Variants in SCIN observed in about 807,000 individuals in gnomAD.
SCIN encodes scinderin.
Under a neutral mutation model 91.8 loss-of-function variants are expected in SCIN, and 91 were observed. The ratio of observed to expected loss-of-function variants is 0.99; its 90% CI spans 0.84 to 1.18. The LOEUF is 1.18. SCIN is among the 50% of genes most tolerant of loss of function. SCIN has a pLI of 0.00. For synonymous variants in SCIN, 367 were observed against 312.6 expected, an observed-to-expected ratio of 1.17 and a Z score of -1.84; for missense variants, 1,087 against 863.9, an observed-to-expected ratio of 1.26 and a Z score of -3.24.
chr7:12,624,974 C>A, intron 5 of SCIN, 36 bp from the exon 6 acceptor site: 1 of 1,543,448 alleles, frequency 6.5e-7, no homozygotes, highest in East Asian at 2.5e-5. Context: ...TTATCATCCC[C>A]AAATGAAAAC....
Position 12,652,783 on chromosome 7 carries a change from C to A in SCIN, c.*68C>A. The A allele has an allele frequency of 1.9e-6, 3 of 1,553,366 alleles. No homozygotes were observed. The highest frequency in any genetic ancestry group is 2.6e-6 in the Non-Finnish European group (3 of 1,156,224). ...TCTCATTGCTGTTTTGGGAGAGGAA[C>A]GGGAAAAGCTTTTTGCTTATTTGTC... On this transcript the variant is annotated 3_prime_UTR_variant, in exon 16 of 16. Coordinates refer to ENST00000297029, the MANE Select transcript of SCIN (RefSeq NM_001112706.3).
chr7:12,625,069 A>G lies in SCIN; in HGVS notation c.819A>G (p.Ser273=), dbSNP rs1783485015. Residue 273 remains serine, a synonymous_variant, in exon 6 of 16, where the codon TCA becomes TCG. Coordinates refer to ENST00000297029, the MANE Select transcript of SCIN (RefSeq NM_001112706.3). The part of the protein sequence containing the change: ...VTVVAEENPF[S]MAMLLSEECF... ...TGGTGGCAGAAGAAAACCCCTTCTC[A>G]ATGGCAATGCTGCTGTCTGAAGAAT... 2 of 1,599,334 alleles carry G rather than the reference A, an allele frequency of 1.3e-6. No individual in the cohort carries two copies. The highest frequency in any genetic ancestry group is 1.7e-6 in the Non-Finnish European group (2 of 1,172,268).
intron 11 of SCIN, 126 bp downstream of exon 11, chr7:12,640,643 T>C: frequency 1.2e-6 from 1 of 852,840 alleles, no homozygotes; most frequent in Non-Finnish European, 1.6e-6. Flanking sequence ...ATTAATCCAC[T>C]GTTCAAAATT....
At chr7:12,631,421 G>T (rs748683701) in intron 9 of SCIN, among the ~76,000 whole-genome samples, 1 of 152,110 alleles carries the variant, frequency 6.6e-6, no homozygotes, top group Non-Finnish European at 1.5e-5. Context: ...CATACCCCTA[G>T]GCTATTGGTT....
intron 2 of SCIN, among the ~76,000 whole-genome samples, chr7:12,580,829 TG>T (rs1350979273): frequency 2.0e-5 from 3 of 152,228 alleles, no homozygotes; most frequent in Non-Finnish European, 4.4e-5. Context: ...TACTTGCAGT[TG>T]TCAATTGAAT....
chr7:12,630,499 A>T (rs1783619383), intron 9 of SCIN, among the ~76,000 whole-genome samples: 1 of 152,218 alleles, frequency 6.6e-6, no homozygotes, highest in Non-Finnish European at 1.5e-5. Flanking sequence ...GCTGGGGGGA[A>T]TCCTGAGATT....
chr7:12,643,139 C>T (rs562724354), intron 11 of SCIN, among the ~76,000 whole-genome samples: 1 of 152,320 alleles, frequency 6.6e-6, no homozygotes, highest in Admixed American at 6.5e-5. Context: ...GAGACCTCAT[C>T]AGCTGCTTTC....
intron 11 of SCIN, 79 bp from the exon 12 acceptor site, chr7:12,644,059 A>G (rs1783906785): frequency 4.6e-6 from 6 of 1,302,566 alleles, no homozygotes; most frequent in South Asian, 1.4e-5. Flanking sequence ...GGTTTGCCAC[A>G]GTCACAGCTT....
intron 3 of SCIN, among the ~76,000 whole-genome samples, chr7:12,602,326 A>G (rs918627053): frequency 6.6e-6 from 1 of 152,228 alleles, no homozygotes; most frequent in Non-Finnish European, 1.5e-5. Context: ...CAAAGATCAC[A>G]TGCTTCTGAG....
At position 12,656,396 on chromosome 7, in the gene SCIN, A is replaced by G. The variant is rs966073883; in HGVS notation, c.*3681A>G. The G allele has an allele frequency of 6.6e-6, 1 of 152,120 alleles. No individual in the cohort carries two copies. The highest frequency in any genetic ancestry group is 6.6e-5 in the Admixed American group (1 of 15,266). 9.4% of individuals were successfully genotyped at this position (152,120 alleles called of 1,614,324 possible). A position where few individuals can be genotyped will look rare whatever the true frequency, so the allele number is the denominator to read the frequency against. On this transcript the variant is annotated 3_prime_UTR_variant, in exon 16 of 16. Coordinates refer to ENST00000297029, the MANE Select transcript of SCIN (RefSeq NM_001112706.3). The stretch of plus-strand genomic sequence containing the variant: ...TTCTTTTAAACCTAATTTATTTTAA[A>G]CCTAATTTATTTATTTTAAACCTAA...
chr7:12,595,605 A>G (rs770045491), intron 3 of SCIN: 5 of 151,366 alleles, frequency 3.3e-5, no homozygotes, highest in African/African-American at 1.2e-4. Context: ...AGGAGCAGGC[A>G]CTAGGAAAGA....
At chr7:12,603,860 A>G (rs1364456855) in intron 3 of SCIN, among the ~76,000 whole-genome samples, 4 of 152,096 alleles carry the variant, frequency 2.6e-5, no homozygotes, top group Non-Finnish European at 5.9e-5. Flanking sequence ...ATGCCTTTCC[A>G]AGGCCTCACC....
At chr7:12,618,780 T>A (rs1374289353) in intron 4 of SCIN, among the ~76,000 whole-genome samples, 2 of 152,136 alleles carry the variant, frequency 1.3e-5, no homozygotes, top group Admixed American at 6.6e-5. Flanking sequence ...GTTTCTCAGT[T>A]AAGGAAAAGA....
At chr7:12,647,706 A>C (rs948863048) in intron 13 of SCIN, among the ~76,000 whole-genome samples, 3 of 152,340 alleles carry the variant, frequency 2.0e-5, no homozygotes, top group Middle Eastern at 3.4e-3. Context: ...AGATAATATA[A>C]ACAAATCCTT....
rs780847462 is a variant in SCIN at position 12,654,678 on chromosome 7, G to C, written c.*1963G>C. ...TGGCTTAGGGTACACTGTATTTTAC[G>C]ATGTTTCTCTAGTTTAGCCAGTGGT... is the stretch of plus-strand genomic sequence containing the variant. On this transcript the variant is annotated 3_prime_UTR_variant, in exon 16 of 16. Transcript: ENST00000297029. 6.6e-6 allele frequency: 1 copy of C among 152,064 alleles called. No individual in the cohort carries two copies. Among genetic ancestry groups the C allele is most frequent in the Non-Finnish European group, 1.5e-5 (1 of 67,988 alleles). 9.4% of individuals were successfully genotyped at this position (152,064 alleles called of 1,614,324 possible).
At chr7:12,596,574 C>G (rs1041193348) in intron 3 of SCIN, 4 of 389,046 alleles carry the variant, frequency 1.0e-5, no homozygotes, top group African/African-American at 4.1e-5. Context: ...GCCTGCGTAA[C>G]TACCTGTAAC....
intron 4 of SCIN, among the ~76,000 whole-genome samples, chr7:12,618,557 T>C (rs1400256329): frequency 6.6e-6 from 1 of 152,162 alleles, no homozygotes; most frequent in African/African-American, 2.4e-5. Context: ...TGTTGGAATC[T>C]TATATCCAGA....
chr7:12,605,376 G>C (rs1445552988), intron 4 of SCIN, among the ~76,000 whole-genome samples: 2 of 152,078 alleles, frequency 1.3e-5, no homozygotes, highest in Non-Finnish European at 2.9e-5. Flanking sequence ...AAACACGGTG[G>C]TTTTCTTCAA....
intron 8 of SCIN, 146 bp downstream of exon 8, chr7:12,626,945 C>G: frequency 1.4e-6 from 1 of 718,346 alleles, no homozygotes; most frequent in Non-Finnish European, 2.3e-6. Context: ...CAAAAATTAG[C>G]CAGGTGTGAT....
Sources: gnomAD v4.1 joint callset for allele counts (sites outside exome capture counted in the v4.1 genomes callset) on GRCh38, gnomAD v4.1.1 for gene constraint, MANE v1.5 for transcripts, NCBI Gene and HGNC (gene_info 2026-07-23, HGNC 2026-07-21) for gene names.